SPAG16: variants seen among roughly 807,000 people sequenced by gnomAD.
SPAG16 encodes the protein sperm associated antigen 16, also known as sperm-associated antigen 16 protein.
SPAG16 carries 86 observed loss-of-function variants against 80.4 expected under a neutral mutation model. That is an observed-to-expected ratio of 1.07 (90% CI 0.90 to 1.28). SPAG16 has a LOEUF of 1.28. Ranked by LOEUF, SPAG16 falls within the 50% of genes most tolerant of loss-of-function variation. The probability of loss-of-function intolerance (pLI) is 0.00; values close to 1 mark genes in which losing one functional copy is unlikely to be tolerated. For missense variants in SPAG16, 870 were observed against 765.3 expected (o/e 1.14, Z -1.61); for synonymous variants, 294 against 265.9 (o/e 1.11, Z -1.03).
chr2:213,863,007 A>G (rs765312528), intron 11 of SPAG16, among the ~76,000 whole-genome samples: 1 of 152,186 alleles, frequency 6.6e-6, no homozygotes, highest in Non-Finnish European at 1.5e-5. Flanking sequence ...TAATTTATGT[A>G]CCAAAAAGGA....
At chr2:213,951,187 A>T (rs2079758218) in intron 12 of SPAG16, among the ~76,000 whole-genome samples, 1 of 152,170 alleles carries the variant, frequency 6.6e-6, no homozygotes, top group Admixed American at 6.5e-5. Flanking sequence ...TAATTTAGGA[A>T]TGATGTAAAT....
At chr2:213,809,586 TC>T (rs1012324628) in intron 10 of SPAG16, among the ~76,000 whole-genome samples, 1 of 152,184 alleles carries the variant, frequency 6.6e-6, no homozygotes, top group African/African-American at 2.4e-5. Context: ...ACTGATGTTC[TC>T]AATTTTCCCA....
Position 214,408,333 on chromosome 2 carries a change from A to G in SPAG16, c.1721-1807A>G, listed in dbSNP as rs72939547. ...AAAAAAAGTTATTTGGGAAAGTCAC[A>G]AACAGCAATTGCCTATAGAGTGAGG... On this transcript the variant is annotated intron_variant, in intron 15 of 15. Coordinates refer to ENST00000331683, the MANE Select transcript of SPAG16 (RefSeq NM_024532.5). Among the ~76,000 whole-genome samples, 1,298 of 152,286 alleles carry G rather than the reference A, an allele frequency of 8.5e-3. 11 individuals carry two copies. The highest frequency in any genetic ancestry group is 0.014 in the Non-Finnish European group (950 of 68,006).
At chr2:213,753,248 G>A (rs1047882069) in intron 10 of SPAG16, among the ~76,000 whole-genome samples, 16 of 152,108 alleles carry the variant, frequency 1.1e-4, no homozygotes, top group African/African-American at 3.9e-4. Context: ...TCCTGACCTC[G>A]TGATCCGCCT....
intron 12 of SPAG16, among the ~76,000 whole-genome samples, chr2:214,012,282 A>AT (rs1286363943): frequency 0.034 from 1,716 of 50,476 alleles, 105 homozygotes; most frequent in South Asian, 0.048. Flanking sequence ...ATATATATAT[A>AT]TATATATTTT....
chr2:213,972,723 CT>C (rs1208989026), intron 12 of SPAG16, among the ~76,000 whole-genome samples: 2 of 152,106 alleles, frequency 1.3e-5, no homozygotes, highest in African/African-American at 4.8e-5. Context: ...ATCACAGAGT[CT>C]TTTATTTACT....
At chr2:213,411,775 C>A (rs1327377420) in intron 9 of SPAG16, among the ~76,000 whole-genome samples, 1 of 152,094 alleles carries the variant, frequency 6.6e-6, no homozygotes, top group Non-Finnish European at 1.5e-5. Flanking sequence ...TACCATACAT[C>A]CGTAAGTAGA....
rs188551400 is a variant in SPAG16, at chr2:213,742,910, T to G, written c.1071-119575T>G. Among the ~76,000 whole-genome samples, 52 of 138,554 alleles carry G rather than the reference T, an allele frequency of 3.8e-4. No individual in the cohort carries two copies. The East Asian group carries it at 6.8e-3, about 18-fold the overall frequency. The allele number at this position is 138,554 out of a possible 152,430, so 90.9% of individuals were successfully genotyped here. ...TTTGCCAGTATTTAACATGCCGTAT[T>G]GTTGTTTTTTTGAGACGGAGTCTCG... is the stretch of plus-strand genomic sequence containing the variant. On this transcript the variant is annotated intron_variant, in intron 10 of 15. Transcript: ENST00000331683.
At chr2:213,860,875 A>G (rs1304479655) in intron 10 of SPAG16, among the ~76,000 whole-genome samples, 1 of 152,178 alleles carries the variant, frequency 6.6e-6, no homozygotes, top group Admixed American at 6.5e-5. Flanking sequence ...AACATACATC[A>G]TACTCAGTAG....
chr2:214,280,217 A>C (rs1162659592), intron 15 of SPAG16, among the ~76,000 whole-genome samples: 2 of 152,204 alleles, frequency 1.3e-5, no homozygotes, highest in East Asian at 1.9e-4. Context: ...AAAAACATGC[A>C]GAAAAAAATA....
At chr2:214,017,304 A>C (rs2047639903) in intron 13 of SPAG16, among the ~76,000 whole-genome samples, 1 of 152,188 alleles carries the variant, frequency 6.6e-6, no homozygotes, top group Non-Finnish European at 1.5e-5. Context: ...ATGGAGCGTC[A>C]ATGGAAAAGT....
At chr2:214,163,690 G>A (rs1417188895) in intron 15 of SPAG16, among the ~76,000 whole-genome samples, 1 of 151,552 alleles carries the variant, frequency 6.6e-6, no homozygotes, top group Admixed American at 6.6e-5. Flanking sequence ...TAAGGAATTA[G>A]CTTATGTGAT....
At chr2:214,370,723 G>A (rs1338970649) in intron 15 of SPAG16, among the ~76,000 whole-genome samples, 2 of 152,166 alleles carry the variant, frequency 1.3e-5, no homozygotes, top group Admixed American at 6.5e-5. Flanking sequence ...GCTACCAGGG[G>A]CTGGGGTGGA....
chr2:213,754,612 AAAACTTTCATATTTT>A (rs1176390403), intron 10 of SPAG16, among the ~76,000 whole-genome samples: 2 of 151,816 alleles, frequency 1.3e-5, no homozygotes, highest in Non-Finnish European at 2.9e-5. Context: ...TAAATATTAA[AAAACTTTCATATTTT>A]AAACTTTCAT....
At chr2:214,344,764 G>C (rs1360334241) in intron 15 of SPAG16, among the ~76,000 whole-genome samples, 1 of 152,020 alleles carries the variant, frequency 6.6e-6, no homozygotes, top group Non-Finnish European at 1.5e-5. Flanking sequence ...TTCAGACTAA[G>C]ACCATACTCT....
intron 9 of SPAG16, among the ~76,000 whole-genome samples, chr2:213,414,409 ATC>A (rs1487900945): frequency 6.6e-6 from 1 of 152,126 alleles, no homozygotes; most frequent in Non-Finnish European, 1.5e-5. Flanking sequence ...ATATTTATAA[ATC>A]TCTGTTCTTT....
At chr2:214,217,160 A>G (rs1002463789) in intron 15 of SPAG16, among the ~76,000 whole-genome samples, 6 of 152,262 alleles carry the variant, frequency 3.9e-5, no homozygotes, top group Non-Finnish European at 7.3e-5. Context: ...TTAACATTTT[A>G]GATATAAAAA....
chr2:214,379,212 A>AT (rs1249493660), intron 15 of SPAG16, among the ~76,000 whole-genome samples: 1 of 152,220 alleles, frequency 6.6e-6, no homozygotes, highest in Non-Finnish European at 1.5e-5. Context: ...AATATCCAAC[A>AT]TGACAGTTCA....
At chr2:214,345,415 T>A (rs954657702) in intron 15 of SPAG16, among the ~76,000 whole-genome samples, 3 of 152,136 alleles carry the variant, frequency 2.0e-5, no homozygotes, top group African/African-American at 4.8e-5. Flanking sequence ...TCTCCCTTTG[T>A]CTCCTTCCCC....
Sources: allele counts gnomAD v4.1 joint callset (sites outside exome capture counted in the v4.1 genomes callset), GRCh38; gene constraint gnomAD v4.1.1; transcripts MANE v1.5; gene names NCBI Gene and HGNC (gene_info 2026-07-23, HGNC 2026-07-21).